BCAS3: variants seen among roughly 807,000 people sequenced by gnomAD.
BCAS3 encodes BCAS3 microtubule associated cell migration factor.
BCAS3 carries 53 observed loss-of-function variants against 116.1 expected under a neutral mutation model. That is an observed-to-expected ratio of 0.46 (90% CI 0.37 to 0.57). The LOEUF is 0.57. Among genes scored for constraint, BCAS3 ranks in the 20% least tolerant of loss-of-function variants. The probability of loss-of-function intolerance (pLI) is 0.00; values close to 1 mark genes in which losing one functional copy is unlikely to be tolerated. For missense variants in BCAS3, 917 were observed against 1,165.4 expected (o/e 0.79, Z 3.10); for synonymous variants, 391 against 408.2 (o/e 0.96, Z 0.51).
chr17:61,372,628 C>A (rs116259226), intron 23 of BCAS3, among the ~76,000 whole-genome samples: 8 of 152,186 alleles, frequency 5.3e-5, no homozygotes, highest in African/African-American at 1.9e-4. Flanking sequence ...AGACTCATCT[C>A]TTGCTGCCCT....
intron 15 of BCAS3, among the ~76,000 whole-genome samples, chr17:61,009,170 T>C (rs1406200474): frequency 6.6e-6 from 1 of 152,044 alleles, no homozygotes; most frequent in East Asian, 1.9e-4. Flanking sequence ...AGTGGGATGA[T>C]ATGTGGACCT....
At chr17:60,717,365 G>A (rs1468821564) in intron 5 of BCAS3, among the ~76,000 whole-genome samples, 2 of 151,846 alleles carry the variant, frequency 1.3e-5, no homozygotes, top group East Asian at 1.9e-4. Context: ...ACAGGGATGC[G>A]CCACCACGCC....
chr17:61,309,927 G>A lies in BCAS3; in HGVS notation c.2426-58400G>A, dbSNP rs373480976. On this transcript the variant is annotated intron_variant, in intron 22 of 23. Coordinates refer to ENST00000407086, the MANE Select transcript of BCAS3 (RefSeq NM_017679.5). The surrounding 1 kb of genome is among the most constrained non-coding windows in gnomAD (Gnocchi z 4.6). ...ATGAAGGGGGAAAATGAAGGGAAAC[G>A]CTTATGCTTAAAGCAGTTTTCCTTT... 4.3e-4 allele frequency among the ~76,000 whole-genome samples: 65 copies of A among 152,298 alleles called. 1 individual carries two copies. In the South Asian group the frequency reaches 0.013, roughly 31 times the overall value.
At chr17:60,702,147 T>C (rs1295617247) in intron 4 of BCAS3, among the ~76,000 whole-genome samples, 4 of 152,204 alleles carry the variant, frequency 2.6e-5, no homozygotes, top group Admixed American at 6.5e-5. Context: ...CGTATAGATG[T>C]AGTTGAATTG....
intron 22 of BCAS3, among the ~76,000 whole-genome samples, chr17:61,338,810 A>G (rs1163104741): frequency 6.6e-6 from 1 of 151,382 alleles, no homozygotes; most frequent in African/African-American, 2.4e-5. Context: ...GTGACACTGA[A>G]AAGTTATTTT....
At chr17:60,741,511 A>G (rs1321081035) in intron 5 of BCAS3, among the ~76,000 whole-genome samples, 4 of 152,220 alleles carry the variant, frequency 2.6e-5, no homozygotes, top group Non-Finnish European at 4.4e-5. Flanking sequence ...GTACTATCAT[A>G]CCTATCTGTG....
intron 22 of BCAS3, among the ~76,000 whole-genome samples, chr17:61,329,552 A>G (rs1050118819): frequency 3.3e-5 from 5 of 151,652 alleles, no homozygotes; most frequent in Admixed American, 6.6e-5. Flanking sequence ...CGTGTTAGCC[A>G]GGATGGTCTC....
At chr17:60,735,032 G>A (rs925564501) in intron 5 of BCAS3, among the ~76,000 whole-genome samples, 1 of 152,014 alleles carries the variant, frequency 6.6e-6, no homozygotes, top group African/African-American at 2.4e-5. Flanking sequence ...CATATAGATT[G>A]CATACATATT....
intron 5 of BCAS3, among the ~76,000 whole-genome samples, chr17:60,733,580 T>C (rs1320496848): frequency 6.6e-6 from 1 of 152,144 alleles, no homozygotes; most frequent in Admixed American, 6.6e-5. Flanking sequence ...GTAGCTGACG[T>C]CTATAATCCT....
intron 6 of BCAS3, among the ~76,000 whole-genome samples, chr17:60,759,441 A>C (rs2043299561): frequency 6.6e-6 from 1 of 152,108 alleles, no homozygotes; most frequent in African/African-American, 2.4e-5. Context: ...TTTCTGTCTG[A>C]GTGATCTGTT....
At chr17:61,210,666 G>A (rs1014440000) in intron 22 of BCAS3, among the ~76,000 whole-genome samples, 2 of 152,150 alleles carry the variant, frequency 1.3e-5, no homozygotes, top group Non-Finnish European at 2.9e-5. Context: ...GAACTGCTTG[G>A]CAGAGGTAAT....
intron 23 of BCAS3, among the ~76,000 whole-genome samples, chr17:61,382,323 C>T (rs1267257550): frequency 1.7e-4 from 25 of 151,118 alleles, no homozygotes; most frequent in Non-Finnish European, 3.4e-4. Flanking sequence ...TGCAATGGCA[C>T]GACCTCAGCT....
At chr17:61,336,883 C>T (rs1369407167) in intron 22 of BCAS3, among the ~76,000 whole-genome samples, 3 of 152,078 alleles carry the variant, frequency 2.0e-5, no homozygotes, top group South Asian at 2.1e-4. Context: ...GAGGCCAAGG[C>T]GGGCAGATCA....
chr17:60,681,055 A>G (rs992505045), intron 2 of BCAS3, among the ~76,000 whole-genome samples: 1 of 152,188 alleles, frequency 6.6e-6, no homozygotes, highest in Admixed American at 6.5e-5. Context: ...AAATACAAAA[A>G]TTAGCCAGGC....
intron 12 of BCAS3, among the ~76,000 whole-genome samples, chr17:60,911,288 A>G (rs544865860): frequency 9.9e-5 from 15 of 151,218 alleles, no homozygotes; most frequent in Admixed American, 9.9e-4. Context: ...ACACCCAGCT[A>G]ATTTTTGTAT....
intron 22 of BCAS3, among the ~76,000 whole-genome samples, chr17:61,260,781 G>A (rs773052186): frequency 7.9e-5 from 12 of 152,106 alleles, no homozygotes; most frequent in Admixed American, 5.9e-4. Context: ...GCCGTAAAAC[G>A]CCATTAATAA....
chr17:60,982,702 T>C (rs1428657764), intron 14 of BCAS3, among the ~76,000 whole-genome samples: 1 of 151,998 alleles, frequency 6.6e-6, no homozygotes, highest in Non-Finnish European at 1.5e-5. Context: ...TACAAAAAAC[T>C]ATATTGAATT....
intron 14 of BCAS3, among the ~76,000 whole-genome samples, chr17:60,987,785 A>G (rs1448654439): frequency 6.6e-6 from 1 of 152,042 alleles, no homozygotes; most frequent in Non-Finnish European, 1.5e-5. Flanking sequence ...AACGAGGCTC[A>G]TTTGACTTTT....
At chr17:61,269,532 C>T (rs781140015) in intron 22 of BCAS3, among the ~76,000 whole-genome samples, 25 of 152,046 alleles carry the variant, frequency 1.6e-4, no homozygotes, top group Non-Finnish European at 3.2e-4. Context: ...GTGACTACAC[C>T]ATTTACATTC....
Sources: allele counts gnomAD v4.1 joint callset (sites outside exome capture counted in the v4.1 genomes callset), GRCh38; gene constraint gnomAD v4.1.1; non-coding constraint Gnocchi (gnomAD v3.1); transcripts MANE v1.5; gene names NCBI Gene and HGNC (gene_info 2026-07-23, HGNC 2026-07-21).